The following XRN1 variants were observed in gnomAD, a reference collection of about 807,000 sequenced individuals.
XRN1 encodes the protein strand-exchange protein 1 homolog.
In XRN1, 67 loss-of-function variants were observed where a neutral mutation model predicts 222.3. The observed-to-expected ratio is 0.30, with a 90% CI of 0.25 to 0.37. The LOEUF (loss-of-function observed/expected upper bound fraction) is 0.37. XRN1 is among the 10% of genes least tolerant of loss of function. The pLI is 1.00. For missense variants in XRN1, 1,707 were observed against 2,000.2 expected, an observed-to-expected ratio of 0.85 and a Z score of 2.80; for synonymous variants, 643 against 652.4, an observed-to-expected ratio of 0.99 and a Z score of 0.22.
intron 20 of XRN1, among the ~76,000 whole-genome samples, chr3:142,392,418 G>A (rs560599179): frequency 2.7e-4 from 41 of 151,232 alleles, no homozygotes; most frequent in African/African-American, 7.8e-4. Context: ...ATGCTGGTGC[G>A]TTGCACCCAC....
In XRN1 at chr3:142,312,671, G is replaced by C; in HGVS notation, c.4709C>G (p.Thr1570Ser). Residue 1570 changes from threonine (T) to serine (S), a missense_variant, in exon 40 of 41, where the codon ACT (threonine) becomes AGT (serine). Physicochemically the swap from Thr to Ser is moderately conservative, Grantham distance 58 (BLOSUM62 1). Transcript: ENST00000392981. ...VPVPGKPFHH[T>S]LYSGTMPMAG... The stretch of plus-strand genomic sequence containing the variant: ...CATGGGCATGGTCCCAGAATATAAA[G>C]TATGATGGAAGGGCTTCCCAGGAAC... 1.2e-6 allele frequency: 2 copies of C among 1,613,944 alleles called. No homozygotes were observed. Among genetic ancestry groups the C allele is most frequent in the Non-Finnish European group, 1.7e-6 (2 of 1,179,852 alleles).
intron 25 of XRN1, among the ~76,000 whole-genome samples, chr3:142,371,780 T>C (rs2066998675): frequency 6.6e-6 from 1 of 152,236 alleles, no homozygotes; most frequent in African/African-American, 2.4e-5. Context: ...TGAACGTATA[T>C]GCTTATCTTC....
chr3:142,403,270 C>T (rs2068214421), intron 18 of XRN1, among the ~76,000 whole-genome samples: 1 of 152,104 alleles, frequency 6.6e-6, no homozygotes, highest in South Asian at 2.1e-4. Context: ...AGTTCAGATA[C>T]ACAAAAAGGT....
At position 142,308,999 on chromosome 3, in the gene XRN1, T is replaced by G. The variant is rs1326200362; in HGVS notation, c.*2512A>C. ...CTAAATTCCAGGTCTATCAACAGAT[T>G]GTTTCCTCAACATGGGGCAGAAATG... On this transcript the variant is annotated 3_prime_UTR_variant, in exon 41 of 41. Transcript: ENST00000392981. The G allele has an allele frequency of 1.3e-5, 2 of 152,188 alleles. No individual in the cohort carries two copies. The highest frequency in any genetic ancestry group is 2.9e-5 in the Non-Finnish European group (2 of 68,024). 9.4% of individuals were successfully genotyped at this position (152,188 alleles called of 1,614,324 possible).
intron 5 of XRN1, 38 bp downstream of exon 5, chr3:142,425,184 T>A: frequency 7.3e-7 from 1 of 1,361,460 alleles, no homozygotes; most frequent in Non-Finnish European, 9.8e-7. Flanking sequence ...TATTTAACTA[T>A]CAATGCATAA....
chr3:142,352,638 C>T (rs994393902), intron 32 of XRN1, among the ~76,000 whole-genome samples: 6 of 151,944 alleles, frequency 3.9e-5, no homozygotes, highest in Non-Finnish European at 8.8e-5. Context: ...TAAACTTGAA[C>T]ATTCCTTTTT....
At chr3:142,364,138 G>C (rs2066742625) in intron 29 of XRN1, among the ~76,000 whole-genome samples, 1 of 152,220 alleles carries the variant, frequency 6.6e-6, no homozygotes, top group African/African-American at 2.4e-5. Flanking sequence ...TTGGGTGATA[G>C]TGAGGGTTAA....
At position 142,308,032 on chromosome 3, in the gene XRN1, G is replaced by T. The variant is rs935168272; in HGVS notation, c.*3479C>A. ...AATTGTACAGTTGCTTTAAAAAACTGTGCTCTAAATAATGGGAAGAAGCGT... is the reference window on the plus strand; with the variant it reads ...AATTGTACAGTTGCTTTAAAAAACTTTGCTCTAAATAATGGGAAGAAGCGT... On this transcript the variant is annotated 3_prime_UTR_variant, in exon 41 of 41. Transcript: ENST00000392981. 1 of 150,716 alleles carries T rather than the reference G, an allele frequency of 6.6e-6. No individual in the cohort carries two copies. Among genetic ancestry groups the T allele is most frequent in the Non-Finnish European group, 1.5e-5 (1 of 67,626 alleles). 9.3% of individuals were successfully genotyped at this position (150,716 alleles called of 1,614,324 possible).
chr3:142,391,958 G>A (rs1577350995), intron 20 of XRN1, among the ~76,000 whole-genome samples: 1 of 150,728 alleles, frequency 6.6e-6, no homozygotes. Context: ...TCCTCTATGT[G>A]CATCACTTTC....
At position 142,421,528 on chromosome 3, in the gene XRN1, C is replaced by T; in HGVS notation, c.983G>A (p.Ser328Asn). ...AAATCGAGGTAAGTTGAGGTGCCCA[C>T]TTTCATTAATATAACCTAAAAGAAA... ...LPELGGYINE[S>N]GHLNLPRFEK... is the part of the protein sequence containing the mutation. The change falls in exon 9 of 41, where the codon AGT becomes AAT. Residue 328 changes from serine to asparagine, a missense_variant. By Grantham distance (46) the Ser-to-Asn change is conservative (BLOSUM62 1). Coordinates refer to ENST00000392981, the MANE Select transcript of XRN1 (RefSeq NM_001282857.2). 2 of 1,609,456 alleles carry T rather than the reference C, an allele frequency of 1.2e-6. No individual in the cohort carries two copies. Among genetic ancestry groups the T allele is most frequent in the South Asian group, 2.2e-5 (2 of 90,116 alleles).
intron 1 of XRN1, among the ~76,000 whole-genome samples, chr3:142,439,949 T>C (rs1395941983): frequency 2.0e-5 from 3 of 152,148 alleles, no homozygotes; most frequent in Non-Finnish European, 4.4e-5. Flanking sequence ...AGGGAATCAC[T>C]GGAAGGCCCA....
chr3:142,419,063 TTCC>T, intron 10 of XRN1, among the ~76,000 whole-genome samples, 182 bp from the exon 11 acceptor site: 1 of 152,332 alleles, frequency 6.6e-6, no homozygotes, highest in Admixed American at 6.5e-5. Context: ...ATTCTCTGAT[TTCC>T]TGTCTACTGC....
chr3:142,313,105 G>C (rs2065120702), intron 39 of XRN1: 1 of 1,590,918 alleles, frequency 6.3e-7, no homozygotes, highest in Non-Finnish European at 8.5e-7. Flanking sequence ...GAAAAGCTTG[G>C]GCACAAATAG....
Position 142,311,369 on chromosome 3 carries a change from CTGA to C in XRN1, c.*139_*141del. The C allele has an allele frequency of 1.3e-6, 1 of 750,558 alleles. No homozygotes were observed. The highest frequency in any genetic ancestry group is 2.7e-5 in the South Asian group (1 of 36,536). 46.5% of individuals were successfully genotyped at this position (750,558 alleles called of 1,614,324 possible). ...GTCTTTTAAACAGCATGAAAAGTGC[CTGA>C]TAACTTAAAAATGAAAAAAATTTCA... On this transcript the variant is annotated 3_prime_UTR_variant, in exon 41 of 41. Coordinates refer to ENST00000392981, the MANE Select transcript of XRN1 (RefSeq NM_001282857.2).
At chr3:142,433,092 C>T (rs1559881962) in intron 1 of XRN1, among the ~76,000 whole-genome samples, 199 bp from the exon 2 acceptor site, 1 of 152,132 alleles carries the variant, frequency 6.6e-6, no homozygotes, top group Non-Finnish European at 1.5e-5. Context: ...TTATATAATG[C>T]ACCAATGACT....
chr3:142,400,381 A>G (rs181174422), intron 19 of XRN1, 63 bp downstream of exon 19: 33 of 1,338,194 alleles, frequency 2.5e-5, no homozygotes, highest in Admixed American at 2.3e-4. Flanking sequence ...ATGAATCAAT[A>G]AAAGCCATCA....
intron 34 of XRN1, among the ~76,000 whole-genome samples, chr3:142,334,693 ATATATATATGTCTATGTG>A: frequency 6.6e-6 from 1 of 151,376 alleles, no homozygotes; most frequent in Non-Finnish European, 1.5e-5. Flanking sequence ...ATATAAGACC[ATATATATATGTCTATGTG>A]TATATATATA....
intron 8 of XRN1, 135 bp from the exon 9 acceptor site, chr3:142,421,678 T>C: frequency 1.9e-6 from 1 of 520,422 alleles, no homozygotes; most frequent in Non-Finnish European, 3.2e-6. Flanking sequence ...TTGGACTATA[T>C]CCAAACTGGC....
intron 32 of XRN1, among the ~76,000 whole-genome samples, chr3:142,349,743 G>A (rs144930500): frequency 5.9e-5 from 9 of 152,140 alleles, no homozygotes; most frequent in Non-Finnish European, 1.0e-4. Context: ...TGCTCATCAG[G>A]TTAGGCTGCT....
Sources: allele counts gnomAD v4.1 joint callset (sites outside exome capture counted in the v4.1 genomes callset), GRCh38; gene constraint gnomAD v4.1.1; transcripts MANE v1.5; gene names NCBI Gene and HGNC (gene_info 2026-07-23, HGNC 2026-07-21).